Variants in KHDRBS2 observed in about 807,000 individuals in gnomAD.
KHDRBS2 encodes the protein KH RNA binding domain containing, signal transduction associated 2, also known as KH domain-containing, RNA-binding, signal transduction-associated protein 2.
KHDRBS2 carries 26 observed loss-of-function variants against 44.3 expected under a neutral mutation model. The observed-to-expected ratio is 0.59, with a 90% CI of 0.43 to 0.81. The LOEUF is 0.81. Among genes scored for constraint, KHDRBS2 ranks in the 40% least tolerant of loss-of-function variants. KHDRBS2 has a pLI of 0.00. For synonymous variants in KHDRBS2, 194 were observed against 151.1 expected (o/e 1.28, Z -2.08); for missense variants, 476 against 433.1 (o/e 1.10, Z -0.88).
chr6:62,064,801 A>T (rs1793114078), intron 2 of KHDRBS2, among the ~76,000 whole-genome samples: 1 of 151,982 alleles, frequency 6.6e-6, no homozygotes, highest in Non-Finnish European at 1.5e-5. Context: ...TAAACTAAAC[A>T]GCTTCTGCAC....
chr6:61,760,284 G>T (rs1353217900), intron 6 of KHDRBS2, among the ~76,000 whole-genome samples: 1 of 152,172 alleles, frequency 6.6e-6, no homozygotes, highest in Non-Finnish European at 1.5e-5. Flanking sequence ...GCCCCAAATT[G>T]TTATTGATAC....
intron 3 of KHDRBS2, among the ~76,000 whole-genome samples, chr6:61,998,744 A>C (rs1237880797): frequency 6.6e-6 from 1 of 152,110 alleles, no homozygotes. Flanking sequence ...AATAAAAGGA[A>C]ATAAAAACTT....
chr6:61,574,262 G>A, the KHDRBS2 span: 7 of 1,123,812 alleles, frequency 6.2e-6, no homozygotes, highest in Admixed American at 2.0e-5. Flanking sequence ...TATGTTTAAC[G>A]GCCGTGGTAC....
At chr6:62,204,627 T>A (rs1452143611) in intron 1 of KHDRBS2, among the ~76,000 whole-genome samples, 1 of 152,146 alleles carries the variant, frequency 6.6e-6, no homozygotes, top group East Asian at 1.9e-4. Context: ...CCAACCGGTA[T>A]TAGAATGCTA....
chr6:61,831,748 T>C (rs1791854871), intron 6 of KHDRBS2, among the ~76,000 whole-genome samples: 1 of 152,124 alleles, frequency 6.6e-6, no homozygotes, highest in Non-Finnish European at 1.5e-5. Flanking sequence ...AAGAAAACAA[T>C]TCCTTTTTGG....
chr6:62,132,789 C>T (rs1471838721), intron 2 of KHDRBS2, among the ~76,000 whole-genome samples: 1 of 152,068 alleles, frequency 6.6e-6, no homozygotes, highest in African/African-American at 2.4e-5. Context: ...TATTCTCTTC[C>T]CTTCTAATGG....
At chr6:61,877,050 T>C (rs186769896) in intron 6 of KHDRBS2, among the ~76,000 whole-genome samples, 19 of 152,178 alleles carry the variant, frequency 1.2e-4, no homozygotes, top group Admixed American at 7.9e-4. Flanking sequence ...AATCACTCTA[T>C]TCATTTGCAT....
At chr6:61,787,178 T>G (rs1783945235) in intron 6 of KHDRBS2, among the ~76,000 whole-genome samples, 1 of 85,782 alleles carries the variant, frequency 1.2e-5, no homozygotes, top group Non-Finnish European at 2.2e-5. Context: ...TCTCTTTTAT[T>G]AGATACTTTG....
intron 3 of KHDRBS2, among the ~76,000 whole-genome samples, chr6:62,023,085 C>A (rs1315750232): frequency 6.6e-6 from 1 of 151,562 alleles, no homozygotes; most frequent in Non-Finnish European, 1.5e-5. Flanking sequence ...AAACGCAATA[C>A]CTTAAAAAAC....
intron 2 of KHDRBS2, among the ~76,000 whole-genome samples, chr6:62,100,091 A>T (rs1194062712): frequency 6.6e-6 from 1 of 152,112 alleles, no homozygotes; most frequent in Non-Finnish European, 1.5e-5. Flanking sequence ...CAAAATATCA[A>T]CATCAACAGG....
chr6:62,012,511 G>A (rs180940996), intron 3 of KHDRBS2, among the ~76,000 whole-genome samples: 39 of 152,056 alleles, frequency 2.6e-4, no homozygotes, highest in Admixed American at 2.0e-3. Context: ...CTTCTTTCTG[G>A]CTTAAACGGC....
intron 4 of KHDRBS2, among the ~76,000 whole-genome samples, chr6:61,959,031 A>T (rs1417229346): frequency 1.3e-5 from 2 of 152,166 alleles, no homozygotes; most frequent in Non-Finnish European, 2.9e-5. Context: ...TGTCACTTCA[A>T]CAACGTCTGT....
intron 8 of KHDRBS2, among the ~76,000 whole-genome samples, chr6:61,695,534 C>T (rs577039962): frequency 6.6e-6 from 1 of 152,186 alleles, no homozygotes; most frequent in Admixed American, 6.5e-5. Context: ...AATAGGTACT[C>T]CATGTGTGGT....
intron 2 of KHDRBS2, among the ~76,000 whole-genome samples, chr6:62,057,483 T>G (rs918962225): frequency 6.6e-6 from 1 of 151,998 alleles, no homozygotes. Flanking sequence ...TTCCACTTAC[T>G]TTCAACCTAT....
intron 1 of KHDRBS2, among the ~76,000 whole-genome samples, chr6:62,261,615 G>A (rs1585485480): frequency 6.6e-6 from 1 of 151,832 alleles, no homozygotes; most frequent in Non-Finnish European, 1.5e-5. Flanking sequence ...AAGTGCTACA[G>A]AAGGAAGAAG....
At chr6:62,234,129 C>A (rs554768101) in intron 1 of KHDRBS2, among the ~76,000 whole-genome samples, 1 of 152,122 alleles carries the variant, frequency 6.6e-6, no homozygotes, top group South Asian at 2.1e-4. Flanking sequence ...AAATAAAATC[C>A]TTTTGGGATC....
intron 2 of KHDRBS2, among the ~76,000 whole-genome samples, chr6:62,141,731 T>C (rs1418428810): frequency 6.6e-6 from 1 of 152,158 alleles, no homozygotes; most frequent in Admixed American, 6.5e-5. Flanking sequence ...CTATCCTAAG[T>C]ATTACTCAGG....
the KHDRBS2 span, among the ~76,000 whole-genome samples, chr6:61,597,138 C>A: frequency 5.3e-5 from 8 of 152,070 alleles, no homozygotes; most frequent in African/African-American, 1.9e-4. Flanking sequence ...TTTATGTAAA[C>A]GTTTAAGTCA....
chr6:62,251,984 C>T (rs760018228), intron 1 of KHDRBS2, among the ~76,000 whole-genome samples: 1 of 151,694 alleles, frequency 6.6e-6, no homozygotes, highest in Non-Finnish European at 1.5e-5. Context: ...CAAAGTGGGG[C>T]ATTTGTGAAC....
Sources: allele counts gnomAD v4.1 joint callset (sites outside exome capture counted in the v4.1 genomes callset), GRCh38; gene constraint gnomAD v4.1.1; transcripts MANE v1.5; gene names NCBI Gene and HGNC (gene_info 2026-07-23, HGNC 2026-07-21).